GTF2H5: variants seen among roughly 807,000 people sequenced by gnomAD.
GTF2H5 encodes general transcription factor IIH subunit 5, also known as TFB5 ortholog.
In GTF2H5, 5 loss-of-function variants were observed where a neutral mutation model predicts 7.1. That is an observed-to-expected ratio of 0.71 (90% confidence interval 0.37 to 1.49). The LOEUF is 1.49. GTF2H5 is among the 40% of genes most tolerant of loss of function. The probability of loss-of-function intolerance (pLI) is 0.03; values close to 1 mark genes in which losing one functional copy is unlikely to be tolerated. For synonymous variants in GTF2H5, 30 were observed against 31.7 expected, an observed-to-expected ratio of 0.95 and a Z score of 0.18; for missense variants, 80 against 83.0, an observed-to-expected ratio of 0.96 and a Z score of 0.14.
chr6:158,180,143 T>G (rs954465244), intron 2 of GTF2H5, among the ~76,000 whole-genome samples: 1 of 152,208 alleles, frequency 6.6e-6, no homozygotes, highest in Non-Finnish European at 1.5e-5. Context: ...GTGGTTTTTG[T>G]CATTGGTTCT....
intron 2 of GTF2H5, among the ~76,000 whole-genome samples, chr6:158,182,306 C>T: frequency 6.6e-6 from 1 of 152,188 alleles, no homozygotes; most frequent in Non-Finnish European, 1.5e-5. Flanking sequence ...CTGCCCTTAA[C>T]ATTTTTTCCT....
At chr6:158,189,646 A>G (rs150280576) in intron 2 of GTF2H5, among the ~76,000 whole-genome samples, 7 of 152,306 alleles carry the variant, frequency 4.6e-5, no homozygotes, top group Non-Finnish European at 1.0e-4. Context: ...CAACTTCGCC[A>G]GACCTATGGT....
chr6:158,171,694 C>G (rs1449413442), intron 2 of GTF2H5, among the ~76,000 whole-genome samples: 1 of 152,150 alleles, frequency 6.6e-6, no homozygotes, highest in Non-Finnish European at 1.5e-5. Flanking sequence ...GAGATGGAGA[C>G]TTCGGAGAAG....
intron 2 of GTF2H5, among the ~76,000 whole-genome samples, chr6:158,184,295 T>C (rs73581481): frequency 0.061 from 9,226 of 152,230 alleles, 948 homozygotes; most frequent in African/African-American, 0.21. Context: ...ATTCCTGTTC[T>C]CATTTCTAGT....
chr6:158,169,488 T>C (rs188507656), intron 1 of GTF2H5, among the ~76,000 whole-genome samples: 3,313 of 56,956 alleles, frequency 0.058, 620 homozygotes, highest in African/African-American at 0.27. Context: ...ATATAATATA[T>C]TGTATATTAT....
rs371489498 is a variant in GTF2H5 at position 158,169,758 on chromosome 6, T to A, written c.-34-712T>A. Among the ~76,000 whole-genome samples the A allele has an allele frequency of 6.5e-5, 4 of 61,766 alleles. 1 individual carries two copies. Among genetic ancestry groups the A allele is most frequent in the East Asian group, 1.2e-3 (2 of 1,652 alleles). The allele number at this position is 61,766 out of a possible 152,430, so 40.5% of individuals were successfully genotyped here. A position where few individuals can be genotyped will look rare whatever the true frequency, so the allele number is the denominator to read the frequency against. On this transcript the variant is annotated intron_variant, in intron 1 of 2. Transcript: ENST00000607778. ...GTATATTATATATTATATAATATAT[T>A]GTATATTATATATAATATATTGTAT...
intron 1 of GTF2H5, among the ~76,000 whole-genome samples, chr6:158,169,763 A>G (rs1340641672): frequency 1.4e-4 from 16 of 115,504 alleles, no homozygotes; most frequent in Non-Finnish European, 2.5e-4. Context: ...TATATTGTAT[A>G]TTATATATAA....
intron 2 of GTF2H5, among the ~76,000 whole-genome samples, chr6:158,177,560 G>T (rs1334057811): frequency 6.6e-6 from 1 of 152,192 alleles, no homozygotes; most frequent in Non-Finnish European, 1.5e-5. Context: ...ACAGTATGTG[G>T]TCAGCATCTG....
chr6:158,171,681 G>A (rs1036470282), intron 2 of GTF2H5, among the ~76,000 whole-genome samples: 29 of 152,172 alleles, frequency 1.9e-4, no homozygotes, highest in Admixed American at 5.2e-4. Flanking sequence ...AGGTGAGGAG[G>A]TGGAGATGGA....
intron 2 of GTF2H5, among the ~76,000 whole-genome samples, chr6:158,173,289 A>G (rs1233958383): frequency 2.0e-5 from 3 of 152,180 alleles, no homozygotes; most frequent in African/African-American, 7.2e-5. Context: ...TAGTCTGCAC[A>G]ATTTTTCAAA....
At chr6:158,182,495 G>T (rs928382103) in intron 2 of GTF2H5, among the ~76,000 whole-genome samples, 1 of 152,064 alleles carries the variant, frequency 6.6e-6, no homozygotes, top group African/African-American at 2.4e-5. Context: ...CATTCTCCTC[G>T]TCACTTTCAG....
rs571408673 is a variant in GTF2H5, at chr6:158,180,971, C to T, written c.35+10433C>T. On this transcript the variant is annotated intron_variant, in intron 2 of 2. Transcript: ENST00000607778. ...TTCTTTTAATTTGATATTAGGGTGT[C>T]GATTTTAGATCTCTCCTGCTTTCTC... 7.9e-4 allele frequency among the ~76,000 whole-genome samples: 120 copies of T among 151,542 alleles called. 1 individual carries two copies. The highest frequency in any genetic ancestry group is 2.7e-3 in the African/African-American group (112 of 41,314).
At chr6:158,191,493 T>A (rs1476602009) in intron 2 of GTF2H5, among the ~76,000 whole-genome samples, 1 of 151,970 alleles carries the variant, frequency 6.6e-6, no homozygotes, top group Non-Finnish European at 1.5e-5. Context: ...GTTCTTTTTT[T>A]TTTTTTTGAG....
At chr6:158,170,689 C>G in intron 2 of GTF2H5, 151 bp downstream of exon 2, 2 of 676,674 alleles carry the variant, frequency 3.0e-6, no homozygotes, top group Non-Finnish European at 5.3e-6. Context: ...TTGCAAAGCT[C>G]CTGGTGCCAG....
rs1434773739 is a variant in GTF2H5, at chr6:158,169,808, A to ATATATTG, written c.-34-656_-34-655insGTATATT. Among the ~76,000 whole-genome samples the ATATATTG allele has an allele frequency of 1.3e-3, 141 of 109,150 alleles. 10 individuals carry two copies. The highest frequency in any genetic ancestry group is 5.3e-3 in the African/African-American group (135 of 25,262). 71.6% of individuals were successfully genotyped at this position (109,150 alleles called of 152,430 possible). On this transcript the variant is annotated intron_variant, in intron 1 of 2. Transcript: ENST00000607778. Reference sequence around the variant, plus strand: ...TATTATATATTATATATTGTATATTATATATTATATATAAAAGTGTGTATA... The same window carrying ATATATTG: ...TATTATATATTATATATTGTATATTATATATTGTATATTATATATAAAAGTGTGTATA...
chr6:158,170,288 G>A (rs1735905757), intron 1 of GTF2H5, among the ~76,000 whole-genome samples, 182 bp from the exon 2 acceptor site: 1 of 152,140 alleles, frequency 6.6e-6, no homozygotes, highest in Non-Finnish European at 1.5e-5. Context: ...AATATTCCAA[G>A]TAGACTCATT....
chr6:158,186,963 T>TTGTTTTGTTTTG (rs375651975), intron 2 of GTF2H5, among the ~76,000 whole-genome samples: 1 of 151,992 alleles, frequency 6.6e-6, no homozygotes, highest in African/African-American at 2.4e-5. Flanking sequence ...AGAGTTGTTT[T>TTGTTTTGTTTTG]TGTTTTGTTT....
chr6:158,196,906 G>A lies in GTF2H5; in HGVS notation c.*4749G>A, dbSNP rs1189855422. 4 of 152,178 alleles carry A rather than the reference G, an allele frequency of 2.6e-5. No individual in the cohort carries two copies. Among genetic ancestry groups the A allele is most frequent in the Non-Finnish European group, 4.4e-5 (3 of 68,040 alleles). 9.4% of individuals were successfully genotyped at this position (152,178 alleles called of 1,614,324 possible). Reference sequence around the variant, plus strand: ...CCAATGATTAACAGCAGAAACGATAGCCAACACAATATGCTCCTCAGTTGG... The same window carrying A: ...CCAATGATTAACAGCAGAAACGATAACCAACACAATATGCTCCTCAGTTGG... On this transcript the variant is annotated 3_prime_UTR_variant, in exon 3 of 3. Coordinates refer to ENST00000607778, the MANE Select transcript of GTF2H5 (RefSeq NM_207118.3).
intron 1 of GTF2H5, among the ~76,000 whole-genome samples, chr6:158,169,453 T>TATATTA (rs1785736944): frequency 1.7e-5 from 1 of 57,568 alleles, no homozygotes; most frequent in African/African-American, 8.0e-5. Context: ...ATATTATATA[T>TATATTA]TATATATATT....
Sources: allele counts gnomAD v4.1 joint callset (sites outside exome capture counted in the v4.1 genomes callset), GRCh38; gene constraint gnomAD v4.1.1; transcripts MANE v1.5; gene names NCBI Gene and HGNC (gene_info 2026-07-23, HGNC 2026-07-21).